The following SEMA3E variants were observed in gnomAD, a reference collection of about 807,000 sequenced individuals.
SEMA3E encodes the protein semaphorin-3E.
Under a neutral mutation model 93.6 loss-of-function variants are expected in SEMA3E, and 49 were observed. The ratio of observed to expected loss-of-function variants is 0.52; its 90% confidence interval spans 0.42 to 0.66. SEMA3E has a LOEUF of 0.66. Ranked by LOEUF, SEMA3E falls within the 30% of genes least tolerant of loss-of-function variation. The pLI, the probability that SEMA3E is intolerant of heterozygous loss-of-function variation, is 0.00. For synonymous variants in SEMA3E, 363 were observed against 330.7 expected (o/e 1.10, Z -1.06); for missense variants, 906 against 964.8 (o/e 0.94, Z 0.81).
Position 83,367,850 on chromosome 7 carries a change from C to T in SEMA3E, c.2064G>A (p.Glu688=), listed in dbSNP as rs1280915653. 1 of 1,613,364 alleles carries T rather than the reference C, an allele frequency of 6.2e-7. No individual in the cohort carries two copies. The highest frequency in any genetic ancestry group is 8.5e-7 in the Non-Finnish European group (1 of 1,179,510). ...GACAAGGCATCCTGTGATGCCTGTC[C>T]TCCTCATCGTCCTTGTTAAACATAT... is the stretch of plus-strand genomic sequence containing the variant. ...VEDMFNKDDE[E]DRHHRMPCPA... The change falls in exon 17 of 17, where the codon GAG becomes GAA. Residue 688 remains glutamate (E), a synonymous_variant. Coordinates refer to ENST00000643230, the MANE Select transcript of SEMA3E (RefSeq NM_012431.3).
intron 1 of SEMA3E, among the ~76,000 whole-genome samples, chr7:83,647,336 T>C (rs1191613244): frequency 6.6e-6 from 1 of 152,168 alleles, no homozygotes; most frequent in Non-Finnish European, 1.5e-5. Flanking sequence ...CTGATAAATA[T>C]TCTACCTGTA....
chr7:83,500,561 A>G (rs1790578040), intron 1 of SEMA3E, among the ~76,000 whole-genome samples: 1 of 149,686 alleles, frequency 6.7e-6, no homozygotes, highest in Non-Finnish European at 1.5e-5. Flanking sequence ...AGGTATGATC[A>G]TCATCTATAC....
At chr7:83,374,249 A>T (rs868509423) in intron 16 of SEMA3E, among the ~76,000 whole-genome samples, 4 of 150,776 alleles carry the variant, frequency 2.7e-5, no homozygotes, top group African/African-American at 9.7e-5. Context: ...AAGAAATTCA[A>T]ATTTAAACAA....
chr7:83,587,847 T>C (rs215305), intron 1 of SEMA3E, among the ~76,000 whole-genome samples: 79,610 of 151,728 alleles, frequency 0.52, 21,450 homozygotes, highest in Middle Eastern at 0.68. Context: ...TTCAACCCAA[T>C]AAAGTATTCA....
At chr7:83,528,071 T>C (rs367952504) in intron 1 of SEMA3E, among the ~76,000 whole-genome samples, 4 of 152,098 alleles carry the variant, frequency 2.6e-5, no homozygotes, top group Non-Finnish European at 4.4e-5. Context: ...TTCTTACATA[T>C]AATTTTTGTC....
chr7:83,528,303 A>G (rs1791206913), intron 1 of SEMA3E, among the ~76,000 whole-genome samples: 1 of 152,180 alleles, frequency 6.6e-6, no homozygotes, highest in African/African-American at 2.4e-5. Flanking sequence ...AAAAATCACA[A>G]GTGTAGCAAC....
At chr7:83,542,068 C>T (rs62477043) in intron 1 of SEMA3E, among the ~76,000 whole-genome samples, 33,520 of 151,740 alleles carry the variant, frequency 0.22, 3,894 homozygotes, top group East Asian at 0.39. Context: ...AATGGCCAGA[C>T]GCTATGGCTG....
chr7:83,490,281 T>A lies in SEMA3E; in HGVS notation c.116-7A>T, dbSNP rs2115977179. On this transcript the variant is annotated splice_region_variant and splice_polypyrimidine_tract_variant and intron_variant, in intron 1 of 16. Transcript: ENST00000643230. Reference sequence around the variant, plus strand: ...CTGTTCAGATTCAAGAGCTCTGAAATGCAAAGTGATACATACACTAAGCAC... The same window carrying A: ...CTGTTCAGATTCAAGAGCTCTGAAAAGCAAAGTGATACATACACTAAGCAC... The A allele has an allele frequency of 6.2e-7, 1 of 1,610,978 alleles. No homozygotes were observed. The highest frequency in any genetic ancestry group is 8.5e-7 in the Non-Finnish European group (1 of 1,179,074).
chr7:83,627,784 T>A (rs1212608522), intron 1 of SEMA3E, among the ~76,000 whole-genome samples: 1 of 152,076 alleles, frequency 6.6e-6, no homozygotes, highest in Non-Finnish European at 1.5e-5. Context: ...TGCCAGTCTG[T>A]GTCTTTTAAT....
At chr7:83,426,926 G>A (rs1354111973) in intron 4 of SEMA3E, among the ~76,000 whole-genome samples, 1 of 151,890 alleles carries the variant, frequency 6.6e-6, no homozygotes, top group Non-Finnish European at 1.5e-5. Context: ...ATACATTATT[G>A]TATTAATCTA....
chr7:83,633,111 C>A (rs1233894444), intron 1 of SEMA3E, among the ~76,000 whole-genome samples: 1 of 151,924 alleles, frequency 6.6e-6, no homozygotes, highest in Non-Finnish European at 1.5e-5. Context: ...GATTTTAATT[C>A]CCTAATTCCA....
At chr7:83,373,096 T>C (rs1562749600) in intron 16 of SEMA3E, 1 of 151,622 alleles carries the variant, frequency 6.6e-6, no homozygotes. Flanking sequence ...TGAAAACGGT[T>C]TTATTATTCT....
chr7:83,380,941 T>C (rs10276662), intron 16 of SEMA3E, among the ~76,000 whole-genome samples: 15 of 151,960 alleles, frequency 9.9e-5, no homozygotes, highest in East Asian at 3.9e-4. Flanking sequence ...ATTGCTACAA[T>C]GTGTATGAGG....
At chr7:83,394,994 A>C (rs1395732165) in intron 12 of SEMA3E, among the ~76,000 whole-genome samples, 4 of 152,208 alleles carry the variant, frequency 2.6e-5, no homozygotes, top group Non-Finnish European at 5.9e-5. Context: ...ACCACAAGAC[A>C]GGTGAAATCC....
At chr7:83,517,012 CAT>C (rs1243808819) in intron 1 of SEMA3E, among the ~76,000 whole-genome samples, 3 of 151,324 alleles carry the variant, frequency 2.0e-5, no homozygotes, top group Non-Finnish European at 4.4e-5. Context: ...GCATGCATTC[CAT>C]AGAGTGTTTT....
chr7:83,530,642 T>C (rs12154931), intron 1 of SEMA3E, among the ~76,000 whole-genome samples: 80,213 of 152,062 alleles, frequency 0.53, 23,514 homozygotes, highest in Middle Eastern at 0.69. Flanking sequence ...TTTGGGAGGC[T>C]GAGGCGGGTG....
intron 4 of SEMA3E, among the ~76,000 whole-genome samples, chr7:83,438,120 G>A (rs2247220): frequency 6.6e-6 from 1 of 151,886 alleles, no homozygotes; most frequent in African/African-American, 2.4e-5. Flanking sequence ...GGCAGTCTTC[G>A]TATGAATGTA....
rs77108441 is a variant in SEMA3E at position 83,570,750 on chromosome 7, C to A, written c.115+77678G>T. ...AGACCAATGAAACCAATAATTAGTT[C>A]TTTTAATTGGTTCTTTGAAAGAATT... On this transcript the variant is annotated intron_variant, in intron 1 of 16. Transcript: ENST00000643230. Among the ~76,000 whole-genome samples the A allele has an allele frequency of 6.7e-3, 1,019 of 151,034 alleles. 33 individuals are homozygous for A. The East Asian group carries it at 0.091, about 13-fold the overall frequency.
intron 4 of SEMA3E, chr7:83,462,251 T>C (rs901427643): frequency 6.6e-6 from 1 of 152,182 alleles, no homozygotes; most frequent in African/African-American, 2.4e-5. Context: ...GGCTACCCAC[T>C]CCACATTACC....
Sources: gnomAD v4.1 joint callset for allele counts (sites outside exome capture counted in the v4.1 genomes callset) on GRCh38, gnomAD v4.1.1 for gene constraint, MANE v1.5 for transcripts, NCBI Gene and HGNC (gene_info 2026-07-23, HGNC 2026-07-21) for gene names.